The following ME1 variants were observed in gnomAD, a reference collection of about 807,000 sequenced individuals.
The protein encoded by ME1 is malic enzyme 1.
In ME1, 74 loss-of-function variants were observed where a neutral mutation model predicts 66.4. The observed-to-expected ratio is 1.11, with a 90% CI of 0.92 to 1.35. ME1 has a LOEUF of 1.35. ME1 is among the 40% of genes most tolerant of loss of function. The pLI, the probability that ME1 is intolerant of heterozygous loss-of-function variation, is 0.00. For missense variants in ME1, 750 were observed against 694.1 expected, an observed-to-expected ratio of 1.08 and a Z score of -0.90; for synonymous variants, 251 against 235.6, an observed-to-expected ratio of 1.07 and a Z score of -0.60.
In ME1 at chr6:83,352,063, C is replaced by A. The variant is rs766955326; in HGVS notation, c.438+1G>T. The A allele has an allele frequency of 6.3e-7, 1 of 1,592,218 alleles. No individual in the cohort carries two copies. Among genetic ancestry groups the A allele is most frequent in the Admixed American group, 1.7e-5 (1 of 57,724 alleles). On this transcript the variant is annotated splice_donor_variant, in intron 4 of 13. Transcript: ENST00000369705. LOFTEE classifies it high-confidence loss of function. ...TATAGTGGAAAAACATGATAACTTA[C>A]CTTGATGACATCTTCTGGCCATGCA...
chr6:83,375,327 A>G (rs1361145516), intron 3 of ME1, among the ~76,000 whole-genome samples: 2 of 151,972 alleles, frequency 1.3e-5, no homozygotes, highest in African/African-American at 4.8e-5. Context: ...TGTTAGCTGT[A>G]TTCCCGGGTA....
intron 1 of ME1, among the ~76,000 whole-genome samples, chr6:83,421,511 A>G (rs1770267818): frequency 6.6e-6 from 1 of 152,232 alleles, no homozygotes; most frequent in South Asian, 2.1e-4. Flanking sequence ...AATACATGAT[A>G]GCAGAAGAAC....
chr6:83,405,342 T>C, intron 2 of ME1, among the ~76,000 whole-genome samples: 1 of 152,218 alleles, frequency 6.6e-6, no homozygotes, highest in East Asian at 1.9e-4. Flanking sequence ...CTTGTGACTT[T>C]TGCACATTGA....
chr6:83,250,374 G>T (rs1007447910), intron 7 of ME1, among the ~76,000 whole-genome samples: 1 of 152,040 alleles, frequency 6.6e-6, no homozygotes, highest in African/African-American at 2.4e-5. Context: ...ATAACTTTCT[G>T]CCACAGGTAA....
intron 6 of ME1, among the ~76,000 whole-genome samples, chr6:83,275,097 G>A (rs1160922647): frequency 6.6e-6 from 1 of 152,120 alleles, no homozygotes; most frequent in Non-Finnish European, 1.5e-5. Context: ...ACTTTGGAAG[G>A]CCGAGGTGGG....
intron 12 of ME1, among the ~76,000 whole-genome samples, chr6:83,217,780 C>G (rs1012942894): frequency 6.6e-6 from 1 of 151,980 alleles, no homozygotes; most frequent in Non-Finnish European, 1.5e-5. Flanking sequence ...GTGAGCTGGA[C>G]TCAGCAGGCC....
chr6:83,414,829 T>C (rs1375452098), intron 1 of ME1, among the ~76,000 whole-genome samples: 2 of 152,162 alleles, frequency 1.3e-5, no homozygotes, highest in South Asian at 2.1e-4. Flanking sequence ...TCAAAAGCTT[T>C]TCAGCAAGAT....
intron 6 of ME1, among the ~76,000 whole-genome samples, chr6:83,254,943 T>C (rs1229325988): frequency 6.6e-6 from 1 of 152,168 alleles, no homozygotes; most frequent in Non-Finnish European, 1.5e-5. Flanking sequence ...TCACTTCTTG[T>C]CAACATTATA....
chr6:83,223,892 G>A lies in ME1; in HGVS notation c.1317C>T (p.Val439=), dbSNP rs1323971269. 5.0e-6 allele frequency: 8 copies of A among 1,613,916 alleles called. No homozygotes were observed. Among genetic ancestry groups the A allele is most frequent in the Admixed American group, 1.7e-5 (1 of 60,000 alleles). Reference sequence around the variant, plus strand: ...ATAGGGTCTGTCCATTTGGAAGAGTGACTGGATCAAAAGGACTGCCACTGG... The same window carrying A: ...ATAGGGTCTGTCCATTTGGAAGAGTAACTGGATCAAAAGGACTGCCACTGG... ...IFASGSPFDP[V]TLPNGQTLYP... Residue 439 remains valine, a synonymous_variant, in exon 12 of 14, where the codon GTC becomes GTT. Transcript: ENST00000369705.
intron 3 of ME1, among the ~76,000 whole-genome samples, chr6:83,389,852 C>T (rs193023421): frequency 6.6e-6 from 1 of 152,128 alleles, no homozygotes; most frequent in East Asian, 1.9e-4. Flanking sequence ...ATTAGGCACA[C>T]TGACATAAGC....
intron 6 of ME1, among the ~76,000 whole-genome samples, chr6:83,289,799 T>G (rs2128534606): frequency 6.6e-6 from 1 of 152,278 alleles, no homozygotes; most frequent in East Asian, 1.9e-4. Context: ...AATTATTGCC[T>G]CAATTTCAGA....
At chr6:83,249,724 G>A (rs2128527613) in intron 7 of ME1, among the ~76,000 whole-genome samples, 2 of 151,978 alleles carry the variant, frequency 1.3e-5, no homozygotes, top group Middle Eastern at 6.8e-3. Flanking sequence ...TCTTGTGCTT[G>A]CCATCACTCG....
intron 6 of ME1, among the ~76,000 whole-genome samples, chr6:83,271,107 A>ATT (rs1767074307): frequency 6.6e-6 from 1 of 152,092 alleles, no homozygotes; most frequent in Non-Finnish European, 1.5e-5. Flanking sequence ...TAAAATGAAA[A>ATT]GGTCTCAAGA....
chr6:83,411,931 G>GGGCA (rs1245279392), intron 1 of ME1, among the ~76,000 whole-genome samples: 1 of 152,112 alleles, frequency 6.6e-6, no homozygotes, highest in Non-Finnish European at 1.5e-5. Flanking sequence ...TCACTGCTAA[G>GGGCA]GGCAGCAAAC....
intron 3 of ME1, 138 bp downstream of exon 3, chr6:83,398,229 A>C: frequency 1.7e-6 from 1 of 574,952 alleles, no homozygotes; most frequent in Non-Finnish European, 2.9e-6. Context: ...TACATGTTTC[A>C]GAACATCCTC....
intron 6 of ME1, among the ~76,000 whole-genome samples, chr6:83,265,534 C>G (rs1320712951): frequency 6.6e-6 from 1 of 152,130 alleles, no homozygotes; most frequent in Admixed American, 6.5e-5. Context: ...CTCCTCAGCT[C>G]AAACTATTCA....
intron 6 of ME1, among the ~76,000 whole-genome samples, chr6:83,301,052 G>A (rs997354678): frequency 6.6e-6 from 1 of 152,088 alleles, no homozygotes; most frequent in Non-Finnish European, 1.5e-5. Flanking sequence ...GCCATGGGAT[G>A]GGGGGAGTGG....
In ME1 at chr6:83,243,508, CTAT is replaced by C. The variant is rs1388036295; in HGVS notation, c.815-3875_815-3873del. Among the ~76,000 whole-genome samples, 135 of 122,382 alleles carry C rather than the reference CTAT, an allele frequency of 1.1e-3. 2 individuals carry two copies. The highest frequency in any genetic ancestry group is 4.2e-3 in the African/African-American group (129 of 30,528). The allele number at this position is 122,382 out of a possible 152,430, so 80.3% of individuals were successfully genotyped here. A position where few individuals can be genotyped will look rare whatever the true frequency, so the allele number is the denominator to read the frequency against. On this transcript the variant is annotated intron_variant, in intron 7 of 13. Coordinates refer to ENST00000369705, the MANE Select transcript of ME1 (RefSeq NM_002395.6). The stretch of plus-strand genomic sequence containing the variant: ...TATAATTATGTTATATTGATATAAT[CTAT>C]TATAATTATATTATATCGATATAAT...
At chr6:83,286,233 T>C (rs1044823733) in intron 6 of ME1, among the ~76,000 whole-genome samples, 2 of 152,164 alleles carry the variant, frequency 1.3e-5, no homozygotes, top group African/African-American at 4.8e-5. Context: ...AAAATTAAGA[T>C]AAATAATTGT....
Sources: allele counts gnomAD v4.1 joint callset (sites outside exome capture counted in the v4.1 genomes callset), GRCh38; gene constraint gnomAD v4.1.1; transcripts MANE v1.5; gene names NCBI Gene and HGNC (gene_info 2026-07-23, HGNC 2026-07-21).